ERP44: variants seen among roughly 807,000 people sequenced by gnomAD.
The protein encoded by ERP44 is endoplasmic reticulum protein 44.
Under a neutral mutation model 53.4 loss-of-function variants are expected in ERP44, and 25 were observed. That is an observed-to-expected ratio of 0.47 (90% CI 0.34 to 0.65). The LOEUF (loss-of-function observed/expected upper bound fraction) is 0.65. Among genes scored for constraint, ERP44 ranks in the 30% least tolerant of loss-of-function variants. The pLI is 0.01. For synonymous variants in ERP44, 145 were observed against 161.2 expected, an observed-to-expected ratio of 0.90 and a Z score of 0.76; for missense variants, 338 against 493.2, an observed-to-expected ratio of 0.69 and a Z score of 2.98.
rs562474751 is a variant in ERP44, at chr9:100,030,073, C to T, written c.287-7847G>A. Among the ~76,000 whole-genome samples, 93 of 152,170 alleles carry T rather than the reference C, an allele frequency of 6.1e-4. 1 individual carries two copies. In the South Asian group the frequency reaches 0.018, roughly 30 times the overall value. ...ACTGCACTCCAGCCTGGCAACAGAGCGAGACTCAGTCTCAAAAACAAAGAA... is the reference window on the plus strand; with the variant it reads ...ACTGCACTCCAGCCTGGCAACAGAGTGAGACTCAGTCTCAAAAACAAAGAA... On this transcript the variant is annotated intron_variant, in intron 4 of 11. Coordinates refer to ENST00000262455, the MANE Select transcript of ERP44 (RefSeq NM_015051.3).
intron 1 of ERP44, among the ~76,000 whole-genome samples, chr9:100,074,241 T>C (rs952011687): frequency 6.6e-6 from 1 of 152,172 alleles, no homozygotes; most frequent in Non-Finnish European, 1.5e-5. Flanking sequence ...CCAGTACTAG[T>C]CCGCAGTTTC....
At chr9:100,098,760 T>C in intron 1 of ERP44, 24 bp downstream of exon 1, 2 of 1,606,856 alleles carry the variant, frequency 1.2e-6, no homozygotes, top group South Asian at 1.1e-5. Flanking sequence ...CGTTTGTCGA[T>C]GGGTCTGTCA....
intron 4 of ERP44, among the ~76,000 whole-genome samples, chr9:100,042,080 C>G (rs1216310075): frequency 6.6e-6 from 1 of 152,130 alleles, no homozygotes; most frequent in Non-Finnish European, 1.5e-5. Context: ...AGTTAAAAAG[C>G]TTTCGCACAG....
At chr9:100,032,537 G>A (rs1030851056) in intron 4 of ERP44, among the ~76,000 whole-genome samples, 20 of 152,240 alleles carry the variant, frequency 1.3e-4, no homozygotes, top group African/African-American at 4.3e-4. Flanking sequence ...TCTTTGGGCC[G>A]TATTTGTATA....
Position 100,074,207 on chromosome 9 carries a change from A to G in ERP44, c.58-14035T>C, listed in dbSNP as rs373098935. Among the ~76,000 whole-genome samples the G allele has an allele frequency of 1.3e-5, 2 of 152,192 alleles. 1 individual carries two copies. Among genetic ancestry groups the G allele is most frequent in the East Asian group, 3.8e-4 (2 of 5,198 alleles). On this transcript the variant is annotated intron_variant, in intron 1 of 11. Transcript: ENST00000262455. The stretch of plus-strand genomic sequence containing the variant: ...AATGTCCAAAGTGGGTTATCACAGG[A>G]GTCCCCAAACCCAAGGCTACAGACC...
chr9:100,087,072 A>G lies in ERP44; in HGVS notation c.57+11712T>C, dbSNP rs1490757704. 9.1e-5 allele frequency among the ~76,000 whole-genome samples: 12 copies of G among 131,902 alleles called. No homozygotes were observed. The South Asian group carries it at 1.3e-3, about 14-fold the overall frequency. The allele number at this position is 131,902 out of a possible 152,430, so 86.5% of individuals were successfully genotyped here. ...AAAAGGGAGAATATTTATTAAATGA[A>G]TAAGATTCAAATAAGCTAAGTGACG... is the stretch of plus-strand genomic sequence containing the variant. On this transcript the variant is annotated intron_variant, in intron 1 of 11. Coordinates refer to ENST00000262455, the MANE Select transcript of ERP44 (RefSeq NM_015051.3).
intron 10 of ERP44, among the ~76,000 whole-genome samples, chr9:99,992,686 G>T (rs1830268511): frequency 6.6e-6 from 1 of 152,154 alleles, no homozygotes; most frequent in Non-Finnish European, 1.5e-5. Flanking sequence ...GCAGGAGAAA[G>T]AAATAAAGGG....
intron 5 of ERP44, among the ~76,000 whole-genome samples, chr9:100,021,565 T>C (rs1830589863): frequency 6.6e-6 from 1 of 152,220 alleles, no homozygotes; most frequent in Admixed American, 6.5e-5. Context: ...CAAACTCAAT[T>C]GTTTTTGCTT....
intron 10 of ERP44, among the ~76,000 whole-genome samples, chr9:99,995,603 G>A (rs1830302132): frequency 6.6e-6 from 1 of 152,100 alleles, no homozygotes; most frequent in Admixed American, 6.5e-5. Flanking sequence ...CTGCATATGA[G>A]TGAGATCATG....
At chr9:100,044,899 C>T (rs4743379) in intron 4 of ERP44, among the ~76,000 whole-genome samples, 1 of 151,806 alleles carries the variant, frequency 6.6e-6, no homozygotes, top group African/African-American at 2.4e-5. Flanking sequence ...TATTTTATAA[C>T]CTGTAATAGG....
chr9:99,983,383 A>C (rs1328453225), intron 11 of ERP44, among the ~76,000 whole-genome samples: 1 of 151,678 alleles, frequency 6.6e-6, no homozygotes, highest in Non-Finnish European at 1.5e-5. Context: ...GTCTCTACTA[A>C]AAATACAAAA....
chr9:100,062,263 A>T (rs1407617782), intron 1 of ERP44, among the ~76,000 whole-genome samples: 2 of 152,208 alleles, frequency 1.3e-5, no homozygotes, highest in African/African-American at 4.8e-5. Context: ...ACTTATATTA[A>T]ATAAATTTGT....
At chr9:100,014,738 G>A (rs1830511938) in intron 8 of ERP44, among the ~76,000 whole-genome samples, 1 of 152,206 alleles carries the variant, frequency 6.6e-6, no homozygotes, top group Non-Finnish European at 1.5e-5. Context: ...CAACTGCAAA[G>A]CTGAGTAGCT....
At chr9:100,045,455 A>AT (rs1825955360) in intron 4 of ERP44, among the ~76,000 whole-genome samples, 1 of 152,126 alleles carries the variant, frequency 6.6e-6, no homozygotes, top group Non-Finnish European at 1.5e-5. Context: ...GTAGGCATAA[A>AT]TTTTTTTGTT....
intron 4 of ERP44, among the ~76,000 whole-genome samples, chr9:100,042,583 A>C (rs1026139173): frequency 5.3e-5 from 8 of 152,370 alleles, no homozygotes; most frequent in African/African-American, 1.9e-4. Flanking sequence ...AAAGGAAATC[A>C]GTATATGCAA....
intron 4 of ERP44, among the ~76,000 whole-genome samples, chr9:100,022,511 A>G (rs149910318): frequency 1.3e-5 from 2 of 152,362 alleles, no homozygotes; most frequent in African/African-American, 2.4e-5. Context: ...TATAAGGATA[A>G]TCATTTCTAC....
chr9:100,079,378 T>C (rs1826395289), intron 1 of ERP44, among the ~76,000 whole-genome samples: 1 of 148,600 alleles, frequency 6.7e-6, no homozygotes, highest in African/African-American at 2.5e-5. Flanking sequence ...AACCCTGTGA[T>C]TGTGTGAGTT....
intron 1 of ERP44, among the ~76,000 whole-genome samples, chr9:100,066,801 A>T (rs1826215569): frequency 6.6e-6 from 1 of 152,206 alleles, no homozygotes; most frequent in East Asian, 1.9e-4. Flanking sequence ...TTCAAGGAGC[A>T]GGAGATGTTG....
intron 11 of ERP44, among the ~76,000 whole-genome samples, chr9:99,984,426 AAAAG>A (rs1830177563): frequency 6.6e-6 from 1 of 152,182 alleles, no homozygotes; most frequent in South Asian, 2.1e-4. Flanking sequence ...AAAAAAACAT[AAAAG>A]AACATAAAAT....
Sources: gnomAD v4.1 joint callset for allele counts (sites outside exome capture counted in the v4.1 genomes callset) on GRCh38, gnomAD v4.1.1 for gene constraint, MANE v1.5 for transcripts, NCBI Gene and HGNC (gene_info 2026-07-23, HGNC 2026-07-21) for gene names.